The following IFI16 variants were observed in gnomAD, a reference collection of about 807,000 sequenced individuals.
The protein encoded by IFI16 is gamma-interferon-inducible protein 16.
In IFI16, 49 loss-of-function variants were observed where a neutral mutation model predicts 68.4. The ratio of observed to expected loss-of-function variants is 0.72; its 90% CI spans 0.57 to 0.91. The LOEUF is 0.91. Among genes scored for constraint, IFI16 ranks in the 40% least tolerant of loss-of-function variants. IFI16 has a pLI of 0.00. For synonymous variants in IFI16, 307 were observed against 315.0 expected (o/e 0.97, Z 0.27); for missense variants, 878 against 942.9 (o/e 0.93, Z 0.90).
chr1:159,006,358 A>T (rs970132415), upstream of IFI16, among the ~76,000 whole-genome samples: 11 of 152,230 alleles, frequency 7.2e-5, no homozygotes, highest in African/African-American at 2.7e-4. Flanking sequence ...CAAGAAGAGC[A>T]ACGGTACCAG....
chr1:159,003,161 C>T (rs559714452), upstream of IFI16, among the ~76,000 whole-genome samples: 3 of 152,154 alleles, frequency 2.0e-5, no homozygotes, highest in South Asian at 6.2e-4. Flanking sequence ...GTGCAAGATA[C>T]CCTAGATTCT....
chr1:159,052,138 C>T, intron 10 of IFI16, 40 bp downstream of exon 10: 3 of 1,516,252 alleles, frequency 2.0e-6, no homozygotes, highest in Non-Finnish European at 2.7e-6. Flanking sequence ...TCTCCTGCAA[C>T]CTCCAATTTT....
chr1:159,041,645 A>T (rs1042740593), intron 7 of IFI16, among the ~76,000 whole-genome samples: 1 of 152,150 alleles, frequency 6.6e-6, no homozygotes, highest in African/African-American at 2.4e-5. Context: ...TCAGCATACA[A>T]CACAGATAGA....
upstream of IFI16, among the ~76,000 whole-genome samples, chr1:159,001,347 A>C (rs1652050079): frequency 6.6e-6 from 1 of 152,224 alleles, no homozygotes; most frequent in Admixed American, 6.5e-5. Context: ...GAAGATAACC[A>C]ACTGTGACTT....
upstream of IFI16, among the ~76,000 whole-genome samples, chr1:159,006,348 C>T (rs1652257858): frequency 6.6e-6 from 1 of 152,104 alleles, no homozygotes; most frequent in African/African-American, 2.4e-5. Flanking sequence ...CAAATGGTTA[C>T]AAGAAGAGCA....
intron 6 of IFI16, among the ~76,000 whole-genome samples, chr1:159,022,967 G>T (rs1450812977): frequency 1.3e-5 from 2 of 152,198 alleles, no homozygotes; most frequent in African/African-American, 4.8e-5. Flanking sequence ...TAATTTTTCA[G>T]AATAGGGTGG....
chr1:159,032,622 C>T lies in IFI16; in HGVS notation c.1260C>T (p.Thr420=), dbSNP rs1264834184. The T allele has an allele frequency of 3.7e-6, 6 of 1,613,016 alleles. No homozygotes were observed. Among genetic ancestry groups the T allele is most frequent in the Non-Finnish European group, 5.1e-6 (6 of 1,179,484 alleles). ...QLPYPSEAST[T]FPESHLRTPQ... is the part of the protein sequence containing the mutation. ...CATATCCTTCAGAGGCCAGCACAAC[C>T]TTCCCTGAGAGCCATCTTCGGACTC... The change falls in exon 7 of 12, where the codon ACC becomes ACT. Residue 420 remains threonine (T), a synonymous_variant. Transcript: ENST00000295809.
chr1:159,047,457 A>C (rs1301869401), intron 8 of IFI16, among the ~76,000 whole-genome samples: 1 of 146,626 alleles, frequency 6.8e-6, no homozygotes, highest in Non-Finnish European at 1.5e-5. Context: ...CTGTAATGAC[A>C]TACATAGACA....
chr1:159,015,629 A>C, intron 2 of IFI16: 1 of 356,120 alleles, frequency 2.8e-6, no homozygotes, highest in Non-Finnish European at 5.2e-6. Flanking sequence ...GCATGTGCTC[A>C]GTGCACAGGG....
At chr1:159,047,705 CTG>C (rs1231168326) in intron 8 of IFI16, among the ~76,000 whole-genome samples, 1 of 148,632 alleles carries the variant, frequency 6.7e-6, no homozygotes, top group East Asian at 2.0e-4. Context: ...ACCAATCAGT[CTG>C]TGATTCGCAA....
upstream of IFI16, among the ~76,000 whole-genome samples, chr1:159,006,552 C>T (rs1652266630): frequency 6.6e-6 from 1 of 152,138 alleles, no homozygotes; most frequent in South Asian, 2.1e-4. Flanking sequence ...CAGGCCAACT[C>T]CTTACTAAAG....
At chr1:159,006,016 T>C (rs1652242674), upstream of IFI16, 1 of 152,200 alleles carries the variant, frequency 6.6e-6, no homozygotes, top group African/African-American at 2.4e-5. Flanking sequence ...TGACTTCTCT[T>C]GTTCCCGCTT....
intron 4 of IFI16, 116 bp downstream of exon 4, chr1:159,016,816 T>C: frequency 3.4e-6 from 3 of 879,804 alleles, no homozygotes; most frequent in South Asian, 3.3e-5. Flanking sequence ...AATGTACATA[T>C]TGAGAAACCA....
At chr1:159,002,005 C>T (rs1384045009), upstream of IFI16, among the ~76,000 whole-genome samples, 1 of 152,054 alleles carries the variant, frequency 6.6e-6, no homozygotes, top group Non-Finnish European at 1.5e-5. Context: ...TCACATGAAG[C>T]CTGGAAGACA....
upstream of IFI16, among the ~76,000 whole-genome samples, chr1:159,001,057 T>C (rs1652041070): frequency 6.6e-6 from 1 of 152,168 alleles, no homozygotes; most frequent in South Asian, 2.1e-4. Flanking sequence ...AACTCTAAAT[T>C]TCTTTATAAA....
At chr1:159,013,576 T>C (rs1166033839) in intron 1 of IFI16, among the ~76,000 whole-genome samples, 1 of 152,222 alleles carries the variant, frequency 6.6e-6, no homozygotes, top group Non-Finnish European at 1.5e-5. Context: ...CCTTGCACTG[T>C]CATCATGGAA....
intron 6 of IFI16, among the ~76,000 whole-genome samples, chr1:159,025,654 A>C (rs1373460885): frequency 1.3e-5 from 2 of 152,190 alleles, no homozygotes; most frequent in Admixed American, 6.5e-5. Context: ...TTCCCTTGCT[A>C]CGCAGAAGCT....
At chr1:159,001,842 GC>G (rs1652070640), upstream of IFI16, among the ~76,000 whole-genome samples, 1 of 152,080 alleles carries the variant, frequency 6.6e-6, no homozygotes, top group African/African-American at 2.4e-5. Context: ...TAAAGTATTT[GC>G]TATAGGGTAA....
At chr1:159,024,832 C>T (rs1653549581) in intron 6 of IFI16, among the ~76,000 whole-genome samples, 2 of 152,156 alleles carry the variant, frequency 1.3e-5, no homozygotes, top group South Asian at 4.1e-4. Context: ...TAAAATGAAG[C>T]TTTCTTTAAC....
Sources: gnomAD v4.1 joint callset for allele counts (sites outside exome capture counted in the v4.1 genomes callset) on GRCh38, gnomAD v4.1.1 for gene constraint, MANE v1.5 for transcripts, NCBI Gene and HGNC (gene_info 2026-07-23, HGNC 2026-07-21) for gene names.